The following CEP128 variants were observed in gnomAD, a reference collection of about 807,000 sequenced individuals.
CEP128 encodes centrosomal protein 128kDa.
A neutral mutation model predicts 156.7 loss-of-function variants in CEP128; 132 were observed. That is an observed-to-expected ratio of 0.84 (90% confidence interval 0.73 to 0.97). CEP128 has a LOEUF of 0.97. CEP128 is among the 50% of genes least tolerant of loss of function. The probability of loss-of-function intolerance (pLI) is 0.00; values close to 1 mark genes in which losing one functional copy is unlikely to be tolerated. For missense variants in CEP128, 1,252 were observed against 1,281.9 expected (o/e 0.98, Z 0.36); for synonymous variants, 469 against 448.9 (o/e 1.04, Z -0.57).
intron 9 of CEP128, among the ~76,000 whole-genome samples, chr14:80,857,036 C>T (rs1887215667): frequency 6.6e-6 from 1 of 151,864 alleles, no homozygotes; most frequent in African/African-American, 2.4e-5. Context: ...GCATGAGTCA[C>T]CATGCCCAGC....
At chr14:80,599,835 A>T (rs2140525001) in intron 19 of CEP128, among the ~76,000 whole-genome samples, 1 of 152,310 alleles carries the variant, frequency 6.6e-6, no homozygotes, top group East Asian at 1.9e-4. Context: ...TAATAAAGAG[A>T]TCTAAAAAAT....
chr14:80,747,440 T>C (rs1899158253), intron 18 of CEP128, among the ~76,000 whole-genome samples: 1 of 152,208 alleles, frequency 6.6e-6, no homozygotes, highest in South Asian at 2.1e-4. Context: ...AAAATGGATG[T>C]ATCATAATTT....
intron 23 of CEP128, among the ~76,000 whole-genome samples, chr14:80,521,818 GC>G (rs1362915919): frequency 1.3e-5 from 2 of 152,112 alleles, no homozygotes; most frequent in Non-Finnish European, 2.9e-5. Flanking sequence ...GCCTTCAAAA[GC>G]CCATACAATC....
At chr14:80,869,229 A>T (rs991682638) in intron 8 of CEP128, among the ~76,000 whole-genome samples, 1 of 152,096 alleles carries the variant, frequency 6.6e-6, no homozygotes, top group African/African-American at 2.4e-5. Context: ...TTAGGCCACA[A>T]AACAAGTCTT....
chr14:80,782,446 A>G (rs1479127196), intron 15 of CEP128, among the ~76,000 whole-genome samples: 3 of 152,110 alleles, frequency 2.0e-5, no homozygotes, highest in Non-Finnish European at 4.4e-5. Context: ...TGTTAGCCAC[A>G]TGGAAGTACT....
Position 80,527,377 on chromosome 14 carries a change from A to C in CEP128, c.2959-395T>G, listed in dbSNP as rs1889025009. On this transcript the variant is annotated intron_variant, in intron 22 of 24. Coordinates refer to ENST00000555265, the MANE Select transcript of CEP128 (RefSeq NM_152446.5). ...CTTGAGCCCAGGAGGCAGAGGTTGC[A>C]GTGAGATTGTGCTACTGCACTACAG... is the stretch of plus-strand genomic sequence containing the variant. 4 of 265,736 alleles carry C rather than the reference A, an allele frequency of 1.5e-5. No individual in the cohort carries two copies. The South Asian group carries it at 1.5e-4, about 10-fold the overall frequency. The allele number at this position is 265,736 out of a possible 1,614,324, so 16.5% of individuals were successfully genotyped here.
chr14:80,746,388 G>T (rs541930543), intron 18 of CEP128, among the ~76,000 whole-genome samples: 1 of 152,270 alleles, frequency 6.6e-6, no homozygotes, highest in South Asian at 2.1e-4. Context: ...CATAAGGACA[G>T]ATATACAGAC....
At chr14:80,682,628 A>G (rs1381034837) in intron 19 of CEP128, among the ~76,000 whole-genome samples, 1 of 152,194 alleles carries the variant, frequency 6.6e-6, no homozygotes, top group African/African-American at 2.4e-5. Flanking sequence ...GAATATCATC[A>G]AGGAATATAG....
At chr14:80,505,414 G>C (rs558720736) in intron 23 of CEP128, among the ~76,000 whole-genome samples, 2 of 152,094 alleles carry the variant, frequency 1.3e-5, no homozygotes, top group African/African-American at 2.4e-5. Flanking sequence ...TTGGCATTTA[G>C]GTGGCTTCCC....
rs58752743 is a variant in CEP128, at chr14:80,740,449, T to TACACACAC, written c.2806+2618_2806+2625dup. On this transcript the variant is annotated intron_variant, in intron 19 of 24. Transcript: ENST00000555265. ...AAAACTAGTAAAATGTATATACACATACACACACACACACACACACACACA... is the reference window on the plus strand; with the variant it reads ...AAAACTAGTAAAATGTATATACACATACACACACACACACACACACACACACACACACA... Among the ~76,000 whole-genome samples, 567 of 146,186 alleles carry TACACACAC rather than the reference T, an allele frequency of 3.9e-3. 4 individuals are homozygous for TACACACAC. The highest frequency in any genetic ancestry group is 8.0e-3 in the East Asian group (39 of 4,858).
intron 9 of CEP128, among the ~76,000 whole-genome samples, chr14:80,852,713 T>C (rs1405418178): frequency 2.6e-5 from 4 of 151,906 alleles, no homozygotes; most frequent in South Asian, 2.1e-4. Flanking sequence ...AATTGTTTTA[T>C]GGGTAAGTTT....
chr14:80,610,033 G>C (rs1051105206), intron 19 of CEP128, among the ~76,000 whole-genome samples: 1 of 152,064 alleles, frequency 6.6e-6, no homozygotes, highest in Non-Finnish European at 1.5e-5. Context: ...ATGTGTGTGT[G>C]CATGCATACA....
intron 8 of CEP128, among the ~76,000 whole-genome samples, chr14:80,884,334 A>T (rs1267795552): frequency 6.6e-6 from 1 of 152,220 alleles, no homozygotes; most frequent in Admixed American, 6.5e-5. Flanking sequence ...TCAACCTGAC[A>T]AGGGATTAAT....
At chr14:80,947,804 A>T (rs1886378918) in intron 2 of CEP128, among the ~76,000 whole-genome samples, 1 of 152,184 alleles carries the variant, frequency 6.6e-6, no homozygotes, top group African/African-American at 2.4e-5. Flanking sequence ...GAGAAAGTCT[A>T]TGTTGACAGA....
At chr14:80,787,236 T>A (rs1315451081) in intron 14 of CEP128, among the ~76,000 whole-genome samples, 1 of 152,168 alleles carries the variant, frequency 6.6e-6, no homozygotes, top group African/African-American at 2.4e-5. Flanking sequence ...CTGAGGAGAA[T>A]CCATGTCCAA....
At chr14:80,673,793 TCTC>T (rs1895954153) in intron 19 of CEP128, among the ~76,000 whole-genome samples, 1 of 151,282 alleles carries the variant, frequency 6.6e-6, no homozygotes, top group African/African-American at 2.4e-5. Context: ...TTTCTCTCTC[TCTC>T]TTTTTTTTTT....
chr14:80,958,010 G>C (rs1886794536), intron 2 of CEP128: 1 of 152,164 alleles, frequency 6.6e-6, no homozygotes, highest in South Asian at 2.1e-4. Context: ...CTGATAAAAA[G>C]TGTGGGTAAA....
At chr14:80,758,451 C>T (rs113713701) in intron 17 of CEP128, among the ~76,000 whole-genome samples, 4,432 of 150,206 alleles carry the variant, frequency 0.03, 100 homozygotes, top group Non-Finnish European at 0.045. Flanking sequence ...GAACCCAGGA[C>T]GCGGAGGTTG....
At chr14:80,484,062 G>T (rs940815808) in intron 14 of CEP128, among the ~76,000 whole-genome samples, 2 of 151,908 alleles carry the variant, frequency 1.3e-5, no homozygotes, top group African/African-American at 4.8e-5. Context: ...CTGCAGCCTT[G>T]ACCTCCAGGG....
Sources: allele counts gnomAD v4.1 joint callset (sites outside exome capture counted in the v4.1 genomes callset), GRCh38; gene constraint gnomAD v4.1.1; transcripts MANE v1.5; gene names NCBI Gene and HGNC (gene_info 2026-07-23, HGNC 2026-07-21).